Variants in ZNF480 observed in about 807,000 individuals in gnomAD.
ZNF480 encodes the protein zinc finger protein 480.
ZNF480 carries 15 observed loss-of-function variants against 14.4 expected under a neutral mutation model. The ratio of observed to expected loss-of-function variants is 1.04; its 90% CI spans 0.70 to 1.60. The LOEUF (loss-of-function observed/expected upper bound fraction) is 1.60. Among genes scored for constraint, ZNF480 ranks in the 40% most tolerant of loss-of-function variants. ZNF480 has a pLI of 0.00. For missense variants in ZNF480, 593 were observed against 629.7 expected (o/e 0.94, Z 0.62); for synonymous variants, 218 against 215.5 (o/e 1.01, Z -0.10).
chr19:52,297,381 C>T (rs571628876), intron 1 of ZNF480, among the ~76,000 whole-genome samples, 158 bp downstream of exon 1: 3 of 151,710 alleles, frequency 2.0e-5, no homozygotes, highest in Non-Finnish European at 2.9e-5. Context: ...GGTCGCTTCC[C>T]TGTGTGTTTA....
At chr19:52,321,351 A>G (rs1983799728) in intron 4 of ZNF480, among the ~76,000 whole-genome samples, 1 of 152,020 alleles carries the variant, frequency 6.6e-6, no homozygotes, top group African/African-American at 2.4e-5. Flanking sequence ...CTCTACTCAT[A>G]ATCCCTCTCA....
intron 4 of ZNF480, among the ~76,000 whole-genome samples, chr19:52,317,809 A>C (rs142096408): frequency 2.6e-5 from 4 of 152,142 alleles, no homozygotes; most frequent in Admixed American, 2.0e-4. Flanking sequence ...GTGGCACAAA[A>C]TTCTCCTATT....
In ZNF480 at chr19:52,321,896, T is replaced by C; in HGVS notation, c.646T>C (p.Ser216Pro). The change falls in exon 5 of 5, where the codon TCC (serine) becomes CCC (proline). Residue 216 changes from serine to proline, a missense_variant. By Grantham distance (74) the Ser-to-Pro change is moderately conservative. Coordinates refer to ENST00000595962, the MANE Select transcript of ZNF480 (RefSeq NM_144684.4). ...NEHSKVFRVS[S>P]SLTKHQVIHT... is the part of the protein sequence containing the mutation. ...GCATAGCAAAGTCTTTAGAGTATCT[T>C]CCAGCCTTACTAAACATCAAGTAAT... is the stretch of plus-strand genomic sequence containing the variant. The C allele has an allele frequency of 6.2e-7, 1 of 1,614,140 alleles. No homozygotes were observed.
chr19:52,318,067 G>A (rs1251159891), intron 4 of ZNF480, among the ~76,000 whole-genome samples: 2 of 151,164 alleles, frequency 1.3e-5, no homozygotes, highest in Non-Finnish European at 2.9e-5. Context: ...GTTTTGCTTT[G>A]TAGGACTTAT....
At chr19:52,300,000 T>C (rs1390246824) in intron 1 of ZNF480, among the ~76,000 whole-genome samples, 1 of 152,256 alleles carries the variant, frequency 6.6e-6, no homozygotes, top group Non-Finnish European at 1.5e-5. Context: ...TCCAGTGTGT[T>C]CTGTCTCTGG....
chr19:52,306,428 C>T (rs1241823170), intron 2 of ZNF480, among the ~76,000 whole-genome samples: 7 of 152,122 alleles, frequency 4.6e-5, no homozygotes, highest in Non-Finnish European at 8.8e-5. Flanking sequence ...CTAAACCACC[C>T]CAGCCACCGA....
chr19:52,298,591 A>T (rs562395151), intron 1 of ZNF480, among the ~76,000 whole-genome samples: 1 of 151,668 alleles, frequency 6.6e-6, no homozygotes, highest in Non-Finnish European at 1.5e-5. Flanking sequence ...AGATTGCGCC[A>T]TTGCACTCCA....
chr19:52,313,134 C>T (rs867209155), intron 2 of ZNF480, among the ~76,000 whole-genome samples: 8 of 131,758 alleles, frequency 6.1e-5, no homozygotes, highest in Admixed American at 1.5e-4. Context: ...AATTCTTTCT[C>T]TTTTTTTTTT....
At position 52,322,176 on chromosome 19, in the gene ZNF480, A is replaced by G. The variant is rs752553790; in HGVS notation, c.926A>G (p.His309Arg). The G allele has an allele frequency of 6.2e-7, 1 of 1,614,118 alleles. No individual in the cohort carries two copies. The highest frequency in any genetic ancestry group is 8.5e-7 in the Non-Finnish European group (1 of 1,180,002). ...NSYLARHQRI[H>R]AEEKPYKCNE... Reference sequence around the variant, plus strand: ...TACCTTGCACGACATCAAAGAATTCATGCTGAAGAGAAACCTTACAAATGT... The same window carrying G: ...TACCTTGCACGACATCAAAGAATTCGTGCTGAAGAGAAACCTTACAAATGT... The change falls in exon 5 of 5, where the codon CAT becomes CGT. Residue 309 changes from histidine (H) to arginine (R), a missense_variant. His to Arg is a conservative substitution (Grantham distance 29). Transcript: ENST00000595962.
rs186943671 is a variant in ZNF480, at chr19:52,325,132, A to G, written c.*2274A>G. On this transcript the variant is annotated 3_prime_UTR_variant, in exon 5 of 5. Transcript: ENST00000595962. ...GAATAGACCTTTCTCAAAAGAATAC[A>G]TACATGTGGCAATAAGCATATGAAA... The G allele has an allele frequency of 6.6e-6, 1 of 152,358 alleles. No homozygotes were observed. The highest frequency in any genetic ancestry group is 6.5e-5 in the Admixed American group (1 of 15,308). The allele number at this position is 152,358 out of a possible 1,614,324, so 9.4% of individuals were successfully genotyped here. A position where few individuals can be genotyped will look rare whatever the true frequency, so the allele number is the denominator to read the frequency against.
intron 1 of ZNF480, among the ~76,000 whole-genome samples, chr19:52,298,985 T>A (rs1437381834): frequency 6.6e-6 from 1 of 152,184 alleles, no homozygotes; most frequent in Non-Finnish European, 1.5e-5. Context: ...TATCTATTTA[T>A]AATTTGATAA....
At chr19:52,320,816 A>G (rs1983774578) in intron 4 of ZNF480, among the ~76,000 whole-genome samples, 1 of 151,980 alleles carries the variant, frequency 6.6e-6, no homozygotes, top group Admixed American at 6.6e-5. Context: ...GAAATAACAA[A>G]AAACCCCAAA....
intron 2 of ZNF480, among the ~76,000 whole-genome samples, chr19:52,311,693 A>G (rs1400529677): frequency 6.6e-6 from 1 of 152,100 alleles, no homozygotes; most frequent in Non-Finnish European, 1.5e-5. Flanking sequence ...TTAGTTCCAG[A>G]TACTTGGGAG....
chr19:52,315,325 T>G (rs1983498747), intron 3 of ZNF480, among the ~76,000 whole-genome samples: 1 of 149,912 alleles, frequency 6.7e-6, no homozygotes, highest in Non-Finnish European at 1.5e-5. Flanking sequence ...TATGTTTTGT[T>G]TTTTTTTTTT....
chr19:52,313,793 A>T (rs1983406647), intron 2 of ZNF480: 1 of 445,568 alleles, frequency 2.2e-6, no homozygotes, highest in Non-Finnish European at 4.5e-6. Flanking sequence ...AGCCTGGCCA[A>T]CGTGGTGAAA....
intron 4 of ZNF480, among the ~76,000 whole-genome samples, chr19:52,318,894 C>T (rs910897647): frequency 7.2e-5 from 11 of 151,736 alleles, no homozygotes; most frequent in African/African-American, 2.4e-4. Context: ...GATGGATTCT[C>T]GCTCTGTCAT....
intron 2 of ZNF480, among the ~76,000 whole-genome samples, chr19:52,303,142 C>T (rs1271930530): frequency 3.3e-5 from 5 of 152,226 alleles, no homozygotes; most frequent in South Asian, 2.1e-4. Flanking sequence ...ATTACAGCTA[C>T]AAGCTCCGAT....
intron 2 of ZNF480, among the ~76,000 whole-genome samples, chr19:52,305,689 C>T (rs1408550190): frequency 1.3e-5 from 2 of 152,150 alleles, no homozygotes; most frequent in African/African-American, 4.8e-5. Flanking sequence ...GTTCCTCAGG[C>T]AGAAAGCTCA....
rs1295046664 is a variant in ZNF480 at position 52,324,805 on chromosome 19, A to G, written c.*1947A>G. 3 of 152,152 alleles carry G rather than the reference A, an allele frequency of 2.0e-5. No individual in the cohort carries two copies. Among genetic ancestry groups the G allele is most frequent in the South Asian group, 4.1e-4 (2 of 4,826 alleles). The allele number at this position is 152,152 out of a possible 1,614,324, so 9.4% of individuals were successfully genotyped here. ...CTCAAGATGGATTAAAGACTTAAATATAAAACCTAAAAGTATTAAATTCCT... is the reference window on the plus strand; with the variant it reads ...CTCAAGATGGATTAAAGACTTAAATGTAAAACCTAAAAGTATTAAATTCCT... On this transcript the variant is annotated 3_prime_UTR_variant, in exon 5 of 5. Coordinates refer to ENST00000595962, the MANE Select transcript of ZNF480 (RefSeq NM_144684.4).
Sources: allele counts gnomAD v4.1 joint callset (sites outside exome capture counted in the v4.1 genomes callset), GRCh38; gene constraint gnomAD v4.1.1; transcripts MANE v1.5; gene names NCBI Gene and HGNC (gene_info 2026-07-23, HGNC 2026-07-21).